The following CNTN5 variants were observed in gnomAD, a reference collection of about 807,000 sequenced individuals.
The protein encoded by CNTN5 is contactin 5, also known as contactin-5.
In CNTN5, 77 loss-of-function variants were observed where a neutral mutation model predicts 129.1. The observed-to-expected ratio is 0.60, with a 90% CI of 0.50 to 0.72. CNTN5 has a LOEUF of 0.72. Among genes scored for constraint, CNTN5 ranks in the 30% least tolerant of loss-of-function variants. The pLI, the probability that CNTN5 is intolerant of heterozygous loss-of-function variation, is 0.00. For synonymous variants in CNTN5, 509 were observed against 465.6 expected, an observed-to-expected ratio of 1.09 and a Z score of -1.20; for missense variants, 1,478 against 1,328.8, an observed-to-expected ratio of 1.11 and a Z score of -1.75.
chr11:100,094,513 A>ATAATATTTCCC (rs2138019397), intron 13 of CNTN5, among the ~76,000 whole-genome samples: 1 of 152,282 alleles, frequency 6.6e-6, no homozygotes, highest in African/African-American at 2.4e-5. Flanking sequence ...AAACGTTTAA[A>ATAATATTTCCC]TAATATTTCC....
intron 3 of CNTN5, among the ~76,000 whole-genome samples, chr11:99,740,112 T>G (rs951552609): frequency 6.6e-6 from 1 of 152,164 alleles, no homozygotes; most frequent in African/African-American, 2.4e-5. Context: ...TGAGGAAGAA[T>G]GATTTCAATT....
At chr11:100,255,971 T>C in intron 17 of CNTN5, 53 bp downstream of exon 17, 2 of 1,521,986 alleles carry the variant, frequency 1.3e-6, no homozygotes, top group Admixed American at 1.8e-5. Flanking sequence ...TTCTATCTCA[T>C]AAGCTATATT....
At position 99,398,336 on chromosome 11, in the gene CNTN5, G is replaced by A. The variant is rs185833070; in HGVS notation, c.-71+72852G>A. On this transcript the variant is annotated intron_variant, in intron 2 of 24. Transcript: ENST00000524871. ...ATACATTTGTAATATATTTCTGTTC[G>A]TCTGTCCTATTCTGCATTCCAACCT... is the stretch of plus-strand genomic sequence containing the variant. Among the ~76,000 whole-genome samples, 295 of 151,560 alleles carry A rather than the reference G, an allele frequency of 1.9e-3. 1 individual carries two copies. Among genetic ancestry groups the A allele is most frequent in the African/African-American group, 6.4e-3 (263 of 41,356 alleles).
intron 19 of CNTN5, among the ~76,000 whole-genome samples, chr11:100,297,957 A>G (rs1951131651): frequency 1.3e-5 from 2 of 151,486 alleles, no homozygotes. Flanking sequence ...TTCCTAATAA[A>G]CAGAATTGTG....
At position 99,478,576 on chromosome 11, in the gene CNTN5, C is replaced by A. The variant is rs2174355; in HGVS notation, c.-70-77569C>A. Among the ~76,000 whole-genome samples the A allele has an allele frequency of 9.8e-3, 1,495 of 152,184 alleles. 24 individuals are homozygous for A. The highest frequency in any genetic ancestry group is 0.034 in the African/African-American group (1,396 of 41,516). The stretch of plus-strand genomic sequence containing the variant: ...AGGGGATCTTTGAGGGCCATCTTGG[C>A]ATTGGCTACTACAATTCCTTTTCTC... On this transcript the variant is annotated intron_variant, in intron 2 of 24. Coordinates refer to ENST00000524871, the MANE Select transcript of CNTN5 (RefSeq NM_014361.4).
At chr11:99,722,334 A>G (rs1244503856) in intron 3 of CNTN5, among the ~76,000 whole-genome samples, 1 of 152,116 alleles carries the variant, frequency 6.6e-6, no homozygotes, top group East Asian at 1.9e-4. Flanking sequence ...TTTTGCAGGA[A>G]TGGGAATGGA....
At chr11:100,132,960 A>G (rs375499136) in intron 13 of CNTN5, among the ~76,000 whole-genome samples, 1 of 152,122 alleles carries the variant, frequency 6.6e-6, no homozygotes, top group East Asian at 1.9e-4. Context: ...GTATTACTCT[A>G]TAGGATTATT....
At chr11:99,675,559 C>T (rs1298214575) in intron 3 of CNTN5, among the ~76,000 whole-genome samples, 1 of 152,034 alleles carries the variant, frequency 6.6e-6, no homozygotes, top group East Asian at 1.9e-4. Context: ...GTGGTGGGCA[C>T]CTGTAATCCC....
chr11:99,619,918 C>G lies in CNTN5; in HGVS notation c.55+63649C>G, dbSNP rs375515704. ...GCGGGCGCCTGTAGTCCCAGCTACTCGGAAGGCTGAGGCAGGAGAATGGCG... is the reference window on the plus strand; with the variant it reads ...GCGGGCGCCTGTAGTCCCAGCTACTGGGAAGGCTGAGGCAGGAGAATGGCG... On this transcript the variant is annotated intron_variant, in intron 3 of 24. Transcript: ENST00000524871. 9.3e-5 allele frequency among the ~76,000 whole-genome samples: 14 copies of G among 150,488 alleles called. 1 individual carries two copies. Among genetic ancestry groups the G allele is most frequent in the African/African-American group, 3.4e-4 (14 of 41,054 alleles).
chr11:99,443,249 C>T (rs1464830223), intron 2 of CNTN5, among the ~76,000 whole-genome samples: 1 of 152,140 alleles, frequency 6.6e-6, no homozygotes, highest in Non-Finnish European at 1.5e-5. Context: ...TTTCTTTGAT[C>T]CTAAAACAGG....
At chr11:99,635,361 G>C (rs767247578) in intron 3 of CNTN5, among the ~76,000 whole-genome samples, 1 of 152,032 alleles carries the variant, frequency 6.6e-6, no homozygotes, top group East Asian at 1.9e-4. Flanking sequence ...TTTAAGATGA[G>C]GAAAATGTTA....
intron 8 of CNTN5, among the ~76,000 whole-genome samples, chr11:99,959,601 T>C (rs1441926406): frequency 6.6e-6 from 1 of 152,190 alleles, no homozygotes; most frequent in Non-Finnish European, 1.5e-5. Context: ...TAATACTGTT[T>C]TGGTCATTAT....
intron 2 of CNTN5, among the ~76,000 whole-genome samples, chr11:99,535,893 A>G (rs1368315722): frequency 6.6e-6 from 1 of 152,122 alleles, no homozygotes; most frequent in African/African-American, 2.4e-5. Context: ...TTCTTATTTG[A>G]TTCCTTTTTT....
intron 3 of CNTN5, among the ~76,000 whole-genome samples, chr11:99,651,979 A>G (rs1591425739): frequency 6.6e-6 from 1 of 152,182 alleles, no homozygotes; most frequent in African/African-American, 2.4e-5. Context: ...CGTTGCCACA[A>G]ACTTGGCAGC....
intron 1 of CNTN5, among the ~76,000 whole-genome samples, chr11:99,108,301 G>A (rs1378929289): frequency 2.0e-5 from 3 of 152,116 alleles, no homozygotes; most frequent in Non-Finnish European, 4.4e-5. Context: ...TTAGATCCTA[G>A]AAAGCTGCCC....
intron 3 of CNTN5, among the ~76,000 whole-genome samples, chr11:99,699,841 CTT>C (rs1273867917): frequency 4.0e-5 from 6 of 151,360 alleles, no homozygotes; most frequent in African/African-American, 1.5e-4. Context: ...TTTCTGCTAA[CTT>C]TACATAATAG....
chr11:99,268,888 C>A (rs1863032371), intron 1 of CNTN5, among the ~76,000 whole-genome samples: 1 of 151,900 alleles, frequency 6.6e-6, no homozygotes, highest in African/African-American at 2.4e-5. Flanking sequence ...AAAGAGAAAG[C>A]CCTGCTGTGA....
intron 1 of CNTN5, among the ~76,000 whole-genome samples, chr11:99,095,782 G>A (rs183869462): frequency 9.7e-4 from 148 of 151,946 alleles, no homozygotes; most frequent in African/African-American, 3.4e-3. Context: ...GAGTATTTTG[G>A]ACATTATTTT....
At chr11:99,851,097 T>G (rs1216781906) in intron 6 of CNTN5, among the ~76,000 whole-genome samples, 1 of 151,464 alleles carries the variant, frequency 6.6e-6, no homozygotes, top group Admixed American at 6.6e-5. Context: ...CCAACCTGCC[T>G]CATGGGCTTA....
Sources: allele counts gnomAD v4.1 joint callset (sites outside exome capture counted in the v4.1 genomes callset), GRCh38; gene constraint gnomAD v4.1.1; transcripts MANE v1.5; gene names NCBI Gene and HGNC (gene_info 2026-07-23, HGNC 2026-07-21).